Variants in SDF4 observed in about 807,000 individuals in gnomAD.
SDF4 encodes stromal cell derived factor 4.
In SDF4, 22 loss-of-function variants were observed where a neutral mutation model predicts 34.2. The observed-to-expected ratio is 0.64, with a 90% CI of 0.46 to 0.92. The LOEUF (loss-of-function observed/expected upper bound fraction) is 0.92. Ranked by LOEUF, SDF4 falls within the 40% of genes least tolerant of loss-of-function variation. SDF4 has a pLI of 0.00. For synonymous variants in SDF4, 236 were observed against 203.1 expected (o/e 1.16, Z -1.38); for missense variants, 447 against 499.9 (o/e 0.89, Z 1.01).
chr1:1,224,579 C>T (rs1638237560), intron 2 of SDF4, among the ~76,000 whole-genome samples: 1 of 152,184 alleles, frequency 6.6e-6, no homozygotes, highest in African/African-American at 2.4e-5. Context: ...GGGCCCGGCC[C>T]ATGTTTTATT....
rs1649743082 is a variant in SDF4 at position 1,219,190 on chromosome 1, C to G, written c.557-263G>C. On this transcript the variant is annotated intron_variant, in intron 4 of 6. Coordinates refer to ENST00000360001, the MANE Select transcript of SDF4 (RefSeq NM_016176.6). ...ACCCCTCCACACAGCCCGGACTCCCCAAGACAGCCTGGACCCCCCCCTGCC... is the reference window on the plus strand; with the variant it reads ...ACCCCTCCACACAGCCCGGACTCCCGAAGACAGCCTGGACCCCCCCCTGCC... 3 of 1,311,930 alleles carry G rather than the reference C, an allele frequency of 2.3e-6. No individual in the cohort carries two copies. In the Admixed American group the frequency reaches 9.5e-5, roughly 41 times the overall value. The allele number at this position is 1,311,930 out of a possible 1,614,324, so 81.3% of individuals were successfully genotyped here.
chr1:1,223,978 A>G lies in SDF4; in HGVS notation c.306-10T>C. Reference sequence around the variant, plus strand: ...AGTGTTCACATCCACCCTGCAAGACAGCAAATGGGCAGGTGGCCGTCAGAC... The same window carrying G: ...AGTGTTCACATCCACCCTGCAAGACGGCAAATGGGCAGGTGGCCGTCAGAC... On this transcript the variant is annotated splice_polypyrimidine_tract_variant and intron_variant, in intron 2 of 6. Transcript: ENST00000360001. 4 of 1,609,242 alleles carry G rather than the reference A, an allele frequency of 2.5e-6. No individual in the cohort carries two copies. Among genetic ancestry groups the G allele is most frequent in the Non-Finnish European group, 3.4e-6 (4 of 1,179,512 alleles).
chr1:1,229,570 G>C (rs369982933), intron 1 of SDF4, among the ~76,000 whole-genome samples: 1 of 151,910 alleles, frequency 6.6e-6, no homozygotes, highest in Non-Finnish European at 1.5e-5. Flanking sequence ...TCTCTCTCTC[G>C]AGCTGTCAGC....
At chr1:1,220,202 C>G (rs1649846307) in intron 4 of SDF4, 8 of 992,546 alleles carry the variant, frequency 8.1e-6, no homozygotes, top group Non-Finnish European at 9.6e-6. Flanking sequence ...CGAGCCGGGC[C>G]TCTGCTGTTA....
At chr1:1,228,020 G>A (rs900748459) in intron 2 of SDF4, among the ~76,000 whole-genome samples, 1 of 152,204 alleles carries the variant, frequency 6.6e-6, no homozygotes, top group Non-Finnish European at 1.5e-5. Flanking sequence ...CAGGGTAGAG[G>A]GCGTGTCAGG....
At chr1:1,226,587 C>G (rs75869787) in intron 2 of SDF4, among the ~76,000 whole-genome samples, 5,165 of 152,162 alleles carry the variant, frequency 0.034, 283 homozygotes, top group African/African-American at 0.12. Flanking sequence ...GGACGGGGCC[C>G]TACGCAGGAG....
At chr1:1,230,861 A>G (rs1638471298) in intron 1 of SDF4, among the ~76,000 whole-genome samples, 2 of 152,340 alleles carry the variant, frequency 1.3e-5, no homozygotes, top group African/African-American at 2.4e-5. Context: ...CTGGATAAGA[A>G]CCAAGACACC....
chr1:1,217,884 G>T lies in SDF4; in HGVS notation c.892-196C>A. ...CCGGGGGCCCCGGAAGGCCTGCCCG[G>T]GGCCAGCAGGGGTAACGGGGCACAG... On this transcript the variant is annotated intron_variant, in intron 6 of 6. Coordinates refer to ENST00000360001, the MANE Select transcript of SDF4 (RefSeq NM_016176.6). The surrounding 1 kb of genome is among the most constrained non-coding windows in gnomAD (Gnocchi z 8.5). 7.1e-7 allele frequency: 1 copy of T among 1,416,644 alleles called. No homozygotes were observed. The highest frequency in any genetic ancestry group is 9.3e-7 in the Non-Finnish European group (1 of 1,076,196). 87.8% of individuals were successfully genotyped at this position (1,416,644 alleles called of 1,614,324 possible).
intron 1 of SDF4, among the ~76,000 whole-genome samples, chr1:1,229,473 A>G (rs1476137918): frequency 6.6e-6 from 1 of 152,148 alleles, no homozygotes; most frequent in Non-Finnish European, 1.5e-5. Context: ...CAGTCTCCCA[A>G]CGTGCTGGGA....
At chr1:1,223,743 G>T in intron 3 of SDF4, 89 bp downstream of exon 3, 2 of 1,236,554 alleles carry the variant, frequency 1.6e-6, no homozygotes, top group Non-Finnish European at 2.2e-6. Flanking sequence ...CCCTCAGACA[G>T]GGCCTGTCTG....
rs1290860809 is a variant in SDF4, at chr1:1,228,678, G to A, written c.95C>T (p.Ala32Val). 6.2e-7 allele frequency: 1 copy of A among 1,613,030 alleles called. No individual in the cohort carries two copies. The highest frequency in any genetic ancestry group is 8.5e-7 in the Non-Finnish European group (1 of 1,180,030). Reference protein sequence around the residue: ...VLLMDASARPANHSSTRERVA... With the variant: ...VLLMDASARPVNHSSTRERVA... The stretch of plus-strand genomic sequence containing the variant: ...TCTCTCTCGAGTGGACGAGTGGTTG[G>A]CAGGCCGTGCAGACGCGTCCATCAG... Residue 32 changes from alanine to valine, a missense_variant, in exon 2 of 7, where the codon GCC becomes GTC. Transcript: ENST00000360001.
chr1:1,219,762 C>T (rs1237356788), intron 4 of SDF4: 1 of 985,820 alleles, frequency 1.0e-6, no homozygotes, highest in Non-Finnish European at 1.2e-6. Context: ...TTGGGGCTCA[C>T]TGCAGTCAGT....
chr1:1,228,793 T>G lies in SDF4; in HGVS notation c.-21A>C. 6.3e-7 allele frequency: 1 copy of G among 1,584,684 alleles called. No individual in the cohort carries two copies. Among genetic ancestry groups the G allele is most frequent in the Non-Finnish European group, 8.6e-7 (1 of 1,168,974 alleles). On this transcript the variant is annotated 5_prime_UTR_variant, in exon 2 of 7. An upstream start codon of the reference 5' UTR is lost. Coordinates refer to ENST00000360001, the MANE Select transcript of SDF4 (RefSeq NM_016176.6). ...GCCATCGCCACCCAGGGCCAGACCA[T>G]GGGGCGGGCTGCAGGGTGTGGGCCA...
chr1:1,218,796 T>G lies in SDF4; in HGVS notation c.688A>C (p.Met230Leu). Residue 230 changes from methionine to leucine, a missense_variant, in exon 5 of 7, where the codon ATG becomes CTG. Transcript: ENST00000360001. This position sits in a 1 kb window ranked among gnomAD's most constrained non-coding sequence, Gnocchi z 7.9. ...PEHSRGMLRF[M>L]VKEIVRDLDQ... ...AGGTCCCGGACGATCTCCTTCACCATGAACCTGAGCATTCCCCGGCTGTGC... is the reference window on the plus strand; with the variant it reads ...AGGTCCCGGACGATCTCCTTCACCAGGAACCTGAGCATTCCCCGGCTGTGC... The G allele has an allele frequency of 2.5e-6, 4 of 1,611,226 alleles. No individual in the cohort carries two copies. The highest frequency in any genetic ancestry group is 3.4e-6 in the Non-Finnish European group (4 of 1,178,292).
intron 2 of SDF4, among the ~76,000 whole-genome samples, chr1:1,227,783 A>G (rs1638358286): frequency 6.6e-6 from 1 of 152,172 alleles, no homozygotes; most frequent in Admixed American, 6.5e-5. Flanking sequence ...GACCCCTCAC[A>G]ACAGGCTCTC....
At chr1:1,225,222 C>T (rs1052607032) in intron 2 of SDF4, among the ~76,000 whole-genome samples, 16 of 152,242 alleles carry the variant, frequency 1.1e-4, no homozygotes, top group Admixed American at 9.8e-4. Flanking sequence ...CCCAGGGCAA[C>T]AGCACTGGGA....
At chr1:1,229,257 C>G (rs1638417986) in intron 1 of SDF4, among the ~76,000 whole-genome samples, 1 of 152,222 alleles carries the variant, frequency 6.6e-6, no homozygotes, top group African/African-American at 2.4e-5. Context: ...GCGGTGACCA[C>G]AGCTCACCGT....
In SDF4 at chr1:1,223,361, G is replaced by A. The variant is rs1650092492; in HGVS notation, c.443-4C>T. ...TACTCGTCCCAAGACACGTGACCTG[G>A]AAGAGCAGATCACACCTGTCAGGGC... On this transcript the variant is annotated splice_polypyrimidine_tract_variant and splice_region_variant and intron_variant, in intron 3 of 6. Coordinates refer to ENST00000360001, the MANE Select transcript of SDF4 (RefSeq NM_016176.6). 6.3e-7 allele frequency: 1 copy of A among 1,595,574 alleles called. No individual in the cohort carries two copies. The highest frequency in any genetic ancestry group is 2.2e-5 in the East Asian group (1 of 44,736).
chr1:1,230,517 G>T (rs1638461714), intron 1 of SDF4, among the ~76,000 whole-genome samples: 1 of 151,942 alleles, frequency 6.6e-6, no homozygotes, highest in East Asian at 1.9e-4. Context: ...CTGGAGTGCA[G>T]TGGTGCAGTC....
Sources: allele counts gnomAD v4.1 joint callset (sites outside exome capture counted in the v4.1 genomes callset), GRCh38; gene constraint gnomAD v4.1.1; non-coding constraint Gnocchi (gnomAD v3.1); transcripts MANE v1.5; gene names NCBI Gene and HGNC (gene_info 2026-07-23, HGNC 2026-07-21).